Variants in BMPR1B observed in about 807,000 individuals in gnomAD.
BMPR1B encodes the protein bone morphogenetic protein receptor type 1B, also known as bone morphogenetic protein receptor type-1B.
A neutral mutation model predicts 59.1 loss-of-function variants in BMPR1B; 12 were observed. The observed-to-expected ratio is 0.20, with a 90% CI of 0.13 to 0.33. The LOEUF is 0.33. Among genes scored for constraint, BMPR1B ranks in the 10% least tolerant of loss-of-function variants. The pLI, the probability that BMPR1B is intolerant of heterozygous loss-of-function variation, is 1.00. For synonymous variants in BMPR1B, 237 were observed against 207.3 expected (o/e 1.14, Z -1.23); for missense variants, 550 against 610.9 (o/e 0.90, Z 1.05).
At chr4:94,949,906 A>C (rs979347519) in intron 2 of BMPR1B, among the ~76,000 whole-genome samples, 2 of 152,166 alleles carry the variant, frequency 1.3e-5, no homozygotes, top group South Asian at 4.1e-4. Context: ...CACTCCTACT[A>C]ACAGTGTAAA....
intron 3 of BMPR1B, among the ~76,000 whole-genome samples, chr4:95,089,943 A>G (rs1729859370): frequency 6.6e-6 from 1 of 152,128 alleles, no homozygotes; most frequent in Admixed American, 6.6e-5. Flanking sequence ...CTAATGGTAG[A>G]ATTAGGGGAA....
intron 8 of BMPR1B, among the ~76,000 whole-genome samples, chr4:95,129,190 T>C (rs969598067): frequency 1.3e-5 from 2 of 152,198 alleles, no homozygotes; most frequent in Non-Finnish European, 2.9e-5. Context: ...AGCCTTGGCA[T>C]GCTACCAACC....
intron 1 of BMPR1B, among the ~76,000 whole-genome samples, chr4:94,794,096 G>T (rs1412775967): frequency 6.7e-6 from 1 of 150,322 alleles, no homozygotes; most frequent in Non-Finnish European, 1.5e-5. Flanking sequence ...CCTTGCCCAT[G>T]TCTATGTCCT....
intron 10 of BMPR1B, among the ~76,000 whole-genome samples, chr4:95,137,984 G>A (rs530939281): frequency 6.6e-6 from 1 of 152,306 alleles, no homozygotes; most frequent in South Asian, 2.1e-4. Context: ...GTTAGTTGAT[G>A]CAGTTTCTTC....
intron 2 of BMPR1B, among the ~76,000 whole-genome samples, chr4:94,946,581 A>G (rs1009041355): frequency 1.3e-5 from 2 of 152,198 alleles, no homozygotes; most frequent in African/African-American, 4.8e-5. Context: ...GAACCTTAAT[A>G]CCTGTTTGCC....
chr4:94,807,805 C>T (rs1473170177), intron 1 of BMPR1B, among the ~76,000 whole-genome samples: 2 of 152,124 alleles, frequency 1.3e-5, no homozygotes, highest in Non-Finnish European at 2.9e-5. Flanking sequence ...GTGCCTCAGC[C>T]TCCCAAGTAG....
At chr4:94,909,002 T>C (rs1321401992) in intron 2 of BMPR1B, among the ~76,000 whole-genome samples, 1 of 152,052 alleles carries the variant, frequency 6.6e-6, no homozygotes, top group Non-Finnish European at 1.5e-5. Context: ...CTAAAAGTGC[T>C]AGGAAAGAAT....
At chr4:95,065,560 T>C (rs956150746) in intron 3 of BMPR1B, among the ~76,000 whole-genome samples, 20 of 152,210 alleles carry the variant, frequency 1.3e-4, no homozygotes, top group Admixed American at 2.6e-4. Context: ...CATTCTCTAA[T>C]ATTTTATTCC....
chr4:94,900,757 T>C (rs988438332), intron 2 of BMPR1B, among the ~76,000 whole-genome samples: 2 of 152,024 alleles, frequency 1.3e-5, no homozygotes, highest in Non-Finnish European at 2.9e-5. Context: ...AATTTTGTTA[T>C]GGCAAATCTT....
At chr4:95,004,719 GTAGT>G (rs1722701403) in intron 3 of BMPR1B, among the ~76,000 whole-genome samples, 1 of 152,016 alleles carries the variant, frequency 6.6e-6, no homozygotes, top group African/African-American at 2.4e-5. Context: ...ATTCCCAGTA[GTAGT>G]TTAGCTTACT....
chr4:94,837,502 T>C lies in BMPR1B; in HGVS notation c.-182-38329T>C, dbSNP rs779038795. On this transcript the variant is annotated intron_variant, in intron 1 of 12. Transcript: ENST00000515059. ...CCTTGGAAGTTGGATTCCTGGGTATTTTATTGTCTTTGAAGCAATTGTGAA... is the reference window on the plus strand; with the variant it reads ...CCTTGGAAGTTGGATTCCTGGGTATCTTATTGTCTTTGAAGCAATTGTGAA... Among the ~76,000 whole-genome samples the C allele has an allele frequency of 2.5e-4, 37 of 145,674 alleles. 5 individuals carry two copies. The highest frequency in any genetic ancestry group is 4.6e-4 in the Non-Finnish European group (30 of 65,588).
chr4:94,938,423 AG>A (rs1230844407), intron 2 of BMPR1B, among the ~76,000 whole-genome samples: 4 of 152,018 alleles, frequency 2.6e-5, no homozygotes, highest in Non-Finnish European at 4.4e-5. Flanking sequence ...TGAGCCCAGG[AG>A]GCAGAGGTTG....
rs1006397344 is a variant in BMPR1B at position 94,909,512 on chromosome 4, G to T, written c.-113+33612G>T. On this transcript the variant is annotated intron_variant, in intron 2 of 12. Transcript: ENST00000515059. Reference sequence around the variant, plus strand: ...GCCCACTTTGTGGAATTCTTGTAAAGATGAAAAGATTCCAAATATGTAAAG... The same window carrying T: ...GCCCACTTTGTGGAATTCTTGTAAATATGAAAAGATTCCAAATATGTAAAG... Among the ~76,000 whole-genome samples, 5 of 152,080 alleles carry T rather than the reference G, an allele frequency of 3.3e-5. No individual in the cohort carries two copies. The South Asian group carries it at 1.0e-3, about 32-fold the overall frequency.
At chr4:95,061,684 TG>T (rs1284805206) in intron 3 of BMPR1B, among the ~76,000 whole-genome samples, 1 of 152,182 alleles carries the variant, frequency 6.6e-6, no homozygotes, top group Non-Finnish European at 1.5e-5. Context: ...GGACAGAACT[TG>T]GGATCCTAGA....
At chr4:94,917,967 C>T (rs1274433792) in intron 2 of BMPR1B, among the ~76,000 whole-genome samples, 1 of 151,522 alleles carries the variant, frequency 6.6e-6, no homozygotes, top group Non-Finnish European at 1.5e-5. Context: ...GTGTGTGGCA[C>T]TTCCCTCCTC....
intron 6 of BMPR1B, among the ~76,000 whole-genome samples, chr4:95,119,651 G>A (rs1288971337): frequency 6.6e-6 from 1 of 152,052 alleles, no homozygotes; most frequent in African/African-American, 2.4e-5. Context: ...TGGATTATTG[G>A]TAACATTTCT....
At chr4:95,031,701 T>G (rs1361424642) in intron 3 of BMPR1B, among the ~76,000 whole-genome samples, 3 of 152,148 alleles carry the variant, frequency 2.0e-5, no homozygotes, top group African/African-American at 7.2e-5. Flanking sequence ...AACTCCTTGA[T>G]TCACCAGTAT....
intron 2 of BMPR1B, among the ~76,000 whole-genome samples, chr4:94,877,510 A>G (rs1289912765): frequency 1.3e-5 from 2 of 152,258 alleles, no homozygotes; most frequent in African/African-American, 4.8e-5. Flanking sequence ...CTGCCTGTGC[A>G]CTAGGCTCTG....
chr4:94,862,234 G>A (rs189992839), intron 1 of BMPR1B, among the ~76,000 whole-genome samples: 2 of 151,526 alleles, frequency 1.3e-5, no homozygotes, highest in Admixed American at 6.6e-5. Flanking sequence ...CACTGCAGTC[G>A]CATCTCCCAG....
Sources: gnomAD v4.1 joint callset for allele counts (sites outside exome capture counted in the v4.1 genomes callset) on GRCh38, gnomAD v4.1.1 for gene constraint, MANE v1.5 for transcripts, NCBI Gene and HGNC (gene_info 2026-07-23, HGNC 2026-07-21) for gene names.